The following SUMF1 variants were observed in gnomAD, a reference collection of about 807,000 sequenced individuals.
SUMF1 encodes the protein sulfatase modifying factor 1, also known as formylglycine-generating enzyme.
A neutral mutation model predicts 47.6 loss-of-function variants in SUMF1; 48 were observed. The observed-to-expected ratio is 1.01, with a 90% CI of 0.80 to 1.28. The LOEUF (loss-of-function observed/expected upper bound fraction) is 1.28. SUMF1 is among the 50% of genes most tolerant of loss of function. The pLI is 0.00. For missense variants in SUMF1, 571 were observed against 485.4 expected (o/e 1.18, Z -1.66); for synonymous variants, 230 against 192.1 (o/e 1.20, Z -1.63).
At chr3:4,250,345 G>T (rs1331384721) in intron 8 of SUMF1, among the ~76,000 whole-genome samples, 1 of 151,178 alleles carries the variant, frequency 6.6e-6, no homozygotes, top group African/African-American at 2.4e-5. Flanking sequence ...GGAAGGGAAG[G>T]GAAAGAAAGG....
chr3:4,089,978 T>C (rs1035431144), intron 8 of SUMF1, among the ~76,000 whole-genome samples: 5 of 152,072 alleles, frequency 3.3e-5, no homozygotes, highest in Non-Finnish European at 7.4e-5. Flanking sequence ...GTTACACAAT[T>C]ATCTTTTTAT....
At chr3:4,073,782 G>C (rs573730341) in intron 8 of SUMF1, among the ~76,000 whole-genome samples, 3 of 152,238 alleles carry the variant, frequency 2.0e-5, no homozygotes, top group African/African-American at 7.2e-5. Context: ...TCAACAAGAA[G>C]AGCTAACTAT....
intron 8 of SUMF1, among the ~76,000 whole-genome samples, chr3:4,216,052 T>C (rs1695916787): frequency 6.6e-6 from 1 of 152,086 alleles, no homozygotes; most frequent in Non-Finnish European, 1.5e-5. Flanking sequence ...TTAAACTTCA[T>C]ATGGAACCAA....
chr3:4,194,049 C>T (rs1251047874), intron 8 of SUMF1, among the ~76,000 whole-genome samples: 1 of 152,048 alleles, frequency 6.6e-6, no homozygotes, highest in Non-Finnish European at 1.5e-5. Flanking sequence ...CTACAATTGT[C>T]TATTGCAACA....
chr3:4,291,557 G>A (rs1697743967), intron 8 of SUMF1, among the ~76,000 whole-genome samples: 1 of 152,126 alleles, frequency 6.6e-6, no homozygotes, highest in Non-Finnish European at 1.5e-5. Context: ...CATGTTTAGT[G>A]AATAAGGATT....
chr3:4,151,485 G>GTA (rs1307809638), intron 8 of SUMF1, among the ~76,000 whole-genome samples: 14 of 142,122 alleles, frequency 9.9e-5, no homozygotes, highest in Non-Finnish European at 1.7e-4. Flanking sequence ...GTATATATGT[G>GTA]TATATATACG....
chr3:4,036,843 G>A (rs1385275441), intron 9 of SUMF1, among the ~76,000 whole-genome samples: 1 of 95,680 alleles, frequency 1.0e-5, no homozygotes, highest in Non-Finnish European at 1.9e-5. Context: ...GCTGAGGTCA[G>A]TGAGGCAAAA....
chr3:4,094,412 G>C (rs1406692201), intron 8 of SUMF1, among the ~76,000 whole-genome samples: 1 of 152,006 alleles, frequency 6.6e-6, no homozygotes, highest in Non-Finnish European at 1.5e-5. Flanking sequence ...ATTAAGACAA[G>C]GTAGTAAATG....
At chr3:4,064,447 C>T (rs1266939532) in intron 9 of SUMF1, among the ~76,000 whole-genome samples, 1 of 152,134 alleles carries the variant, frequency 6.6e-6, no homozygotes, top group Non-Finnish European at 1.5e-5. Context: ...TCCTGGAAAA[C>T]TCATGAATAA....
chr3:4,427,827 A>G (rs1702114169), intron 3 of SUMF1, among the ~76,000 whole-genome samples: 1 of 152,200 alleles, frequency 6.6e-6, no homozygotes, highest in African/African-American at 2.4e-5. Flanking sequence ...GGCACTATTG[A>G]GAATGTGCAA....
intron 2 of SUMF1, among the ~76,000 whole-genome samples, chr3:4,451,811 G>A (rs1261084935): frequency 6.6e-6 from 1 of 152,098 alleles, no homozygotes; most frequent in African/African-American, 2.4e-5. Flanking sequence ...AGCCTCCCAA[G>A]TAGCTGGGAC....
intron 7 of SUMF1, among the ~76,000 whole-genome samples, chr3:4,391,399 CAT>C (rs1207657380): frequency 3.3e-5 from 5 of 152,164 alleles, no homozygotes; most frequent in African/African-American, 1.2e-4. Flanking sequence ...TCCCTTTACA[CAT>C]GTGTTAAAAT....
chr3:4,096,176 A>G (rs1692898285), intron 8 of SUMF1, among the ~76,000 whole-genome samples: 2 of 152,166 alleles, frequency 1.3e-5, no homozygotes, highest in Admixed American at 6.5e-5. Flanking sequence ...TGAGATAGTC[A>G]AGGCAGGTGA....
chr3:4,302,106 C>T (rs979131994), intron 8 of SUMF1, among the ~76,000 whole-genome samples: 33 of 152,292 alleles, frequency 2.2e-4, no homozygotes, highest in Admixed American at 1.0e-3. Flanking sequence ...GGTTTGTGAA[C>T]CCAAAATTAT....
chr3:4,150,782 G>C (rs887644499), intron 8 of SUMF1, among the ~76,000 whole-genome samples: 1 of 151,548 alleles, frequency 6.6e-6, no homozygotes, highest in East Asian at 1.9e-4. Flanking sequence ...TCATAGCTGG[G>C]CTGAGGAGTA....
At chr3:4,444,590 T>C (rs1357038721) in intron 3 of SUMF1, among the ~76,000 whole-genome samples, 9 of 152,178 alleles carry the variant, frequency 5.9e-5, no homozygotes, top group Admixed American at 5.2e-4. Context: ...TTGAGACCAC[T>C]GTGTATGTAA....
At chr3:4,119,723 C>T (rs1693497598) in intron 8 of SUMF1, among the ~76,000 whole-genome samples, 1 of 152,028 alleles carries the variant, frequency 6.6e-6, no homozygotes, top group South Asian at 2.1e-4. Context: ...AACACACACA[C>T]ACACACACAC....
chr3:4,109,984 G>C (rs1314274862), intron 8 of SUMF1, among the ~76,000 whole-genome samples: 1 of 152,106 alleles, frequency 6.6e-6, no homozygotes, highest in Non-Finnish European at 1.5e-5. Flanking sequence ...GCGTTCCTTT[G>C]GAGGAGGAGA....
At chr3:4,048,755 A>C (rs1695051678) in intron 9 of SUMF1, among the ~76,000 whole-genome samples, 1 of 152,166 alleles carries the variant, frequency 6.6e-6, no homozygotes, top group South Asian at 2.1e-4. Context: ...TAAATGCACA[A>C]ACCATGTACA....
Sources: gnomAD v4.1 joint callset for allele counts (sites outside exome capture counted in the v4.1 genomes callset) on GRCh38, gnomAD v4.1.1 for gene constraint, MANE v1.5 for transcripts, NCBI Gene and HGNC (gene_info 2026-07-23, HGNC 2026-07-21) for gene names.